Variants in VCL observed in about 807,000 individuals in gnomAD.
VCL encodes epididymis luminal protein 114.
A neutral mutation model predicts 125.7 loss-of-function variants in VCL; 47 were observed. The ratio of observed to expected loss-of-function variants is 0.37; its 90% CI spans 0.30 to 0.48. The LOEUF (loss-of-function observed/expected upper bound fraction) is 0.48, where lower values mean the gene tolerates loss of function less well. Ranked by LOEUF, VCL falls within the 20% of genes least tolerant of loss-of-function variation. VCL has a pLI of 0.99. For synonymous variants in VCL, 458 were observed against 514.6 expected (o/e 0.89, Z 1.49); for missense variants, 1,069 against 1,455.5 (o/e 0.73, Z 4.32).
In VCL at chr10:74,071,456, C is replaced by G. The variant is rs917546382; in HGVS notation, c.499+373C>G. ...GCTGGCCTGTAGTTCTTTATGACCTCTTAGCTTGCTAATTAGCCTGCCTAC... is the reference window on the plus strand; with the variant it reads ...GCTGGCCTGTAGTTCTTTATGACCTGTTAGCTTGCTAATTAGCCTGCCTAC... On this transcript the variant is annotated intron_variant, in intron 4 of 21. Coordinates refer to ENST00000211998, the MANE Select transcript of VCL (RefSeq NM_014000.3). The surrounding 1 kb of genome is among the most constrained non-coding windows in gnomAD (Gnocchi z 4.1). 1.3e-5 allele frequency among the ~76,000 whole-genome samples: 2 copies of G among 152,206 alleles called. No individual in the cohort carries two copies. The highest frequency in any genetic ancestry group is 2.9e-5 in the Non-Finnish European group (2 of 68,040).
intron 18 of VCL, 100 bp downstream of exon 18, chr10:74,109,256 C>T: frequency 4.8e-6 from 7 of 1,450,004 alleles, no homozygotes; most frequent in Non-Finnish European, 6.7e-6. Flanking sequence ...GAGTCACCCT[C>T]TCTCTCTCCT....
intron 1 of VCL, among the ~76,000 whole-genome samples, chr10:74,025,411 T>C (rs1840752037): frequency 6.6e-6 from 1 of 151,750 alleles, no homozygotes; most frequent in Middle Eastern, 3.2e-3. Flanking sequence ...GCCAGGAGTT[T>C]GAGACCAGCC....
intron 1 of VCL, among the ~76,000 whole-genome samples, chr10:74,011,974 G>A (rs1840444821): frequency 1.3e-5 from 2 of 152,166 alleles, no homozygotes; most frequent in Admixed American, 1.3e-4. Context: ...CTTTTAAGGG[G>A]AAAGTGGCTG....
intron 2 of VCL, among the ~76,000 whole-genome samples, chr10:74,064,475 A>G (rs1591682506): frequency 6.6e-6 from 1 of 152,118 alleles, no homozygotes; most frequent in Middle Eastern, 3.4e-3. Flanking sequence ...GCATGATCAT[A>G]GCTCACTACA....
chr10:74,106,950 A>G (rs1241690025), intron 16 of VCL, among the ~76,000 whole-genome samples: 1 of 152,192 alleles, frequency 6.6e-6, no homozygotes, highest in African/African-American at 2.4e-5. Flanking sequence ...ACCTGAGCCC[A>G]AAGTGTTCAT....
At chr10:74,019,593 C>A (rs1251988919) in intron 1 of VCL, among the ~76,000 whole-genome samples, 1 of 152,000 alleles carries the variant, frequency 6.6e-6, no homozygotes, top group Admixed American at 6.6e-5. Context: ...TGCCTTCAGG[C>A]AGTGGTAGGA....
chr10:74,035,462 C>T (rs1840956670), intron 1 of VCL, among the ~76,000 whole-genome samples: 1 of 152,076 alleles, frequency 6.6e-6, no homozygotes, highest in South Asian at 2.1e-4. Flanking sequence ...AACAGAGCTC[C>T]CTGCCAAGCC....
chr10:74,078,013 T>G (rs1839619043), intron 6 of VCL, among the ~76,000 whole-genome samples: 1 of 152,200 alleles, frequency 6.6e-6, no homozygotes, highest in African/African-American at 2.4e-5. Context: ...TTAAAAGAAT[T>G]TGAGTTAAAC....
chr10:74,093,665 G>T (rs1302008251), intron 10 of VCL, among the ~76,000 whole-genome samples: 1 of 151,856 alleles, frequency 6.6e-6, no homozygotes, highest in African/African-American at 2.4e-5. Flanking sequence ...CAGGTGTGGT[G>T]GTGCATACCT....
intron 12 of VCL, among the ~76,000 whole-genome samples, chr10:74,096,150 C>CTTCTT (rs1554818380): frequency 5.0e-5 from 1 of 20,070 alleles, no homozygotes; most frequent in African/African-American, 1.5e-4. Context: ...TTAAAATGGA[C>CTTCTT]TTTTTTTTTT....
chr10:74,069,532 G>A (rs949149564), intron 2 of VCL, among the ~76,000 whole-genome samples: 4 of 152,122 alleles, frequency 2.6e-5, no homozygotes, highest in African/African-American at 9.7e-5. Context: ...TTAAACTTGT[G>A]GAGTTTCTGT....
chr10:73,998,224 C>A lies in VCL; in HGVS notation c.17C>A (p.Thr6Lys). 1 of 1,612,894 alleles carries A rather than the reference C, an allele frequency of 6.2e-7. No individual in the cohort carries two copies. The highest frequency in any genetic ancestry group is 8.5e-7 in the Non-Finnish European group (1 of 1,179,540). MPVFHTRTIESILEPV... is the reference protein window; with the variant it reads MPVFHKRTIESILEPV... ...GCCGCCGCGATGCCAGTGTTTCATA[C>A]GCGCACGATCGAGAGCATCCTGGAG... Residue 6 changes from threonine to lysine, a missense_variant, in exon 1 of 22, where the codon ACG becomes AAG. By Grantham distance (78) the Thr-to-Lys change is moderately conservative (BLOSUM62 -1). Around this residue, in one of 6 missense-constraint regions of VCL, gnomAD observed 96 missense variants for 137.6 expected, o/e 0.70. Coordinates refer to ENST00000211998, the MANE Select transcript of VCL (RefSeq NM_014000.3).
At chr10:74,015,716 A>T in intron 1 of VCL, among the ~76,000 whole-genome samples, 1 of 145,728 alleles carries the variant, frequency 6.9e-6, no homozygotes. Flanking sequence ...AGGAAGTCTC[A>T]CTCTGTTGCC....
chr10:74,020,294 G>T (rs745788815), intron 1 of VCL, among the ~76,000 whole-genome samples: 11 of 152,076 alleles, frequency 7.2e-5, no homozygotes, highest in South Asian at 2.1e-4. Context: ...TCTCATCAAT[G>T]ATTTTATTGA....
chr10:74,056,986 G>C (rs558795809), intron 2 of VCL, among the ~76,000 whole-genome samples: 8 of 151,826 alleles, frequency 5.3e-5, no homozygotes, highest in Non-Finnish European at 1.2e-4. Context: ...TGTCTCCCAG[G>C]CTGGATAGAG....
intron 10 of VCL, among the ~76,000 whole-genome samples, chr10:74,091,947 CTG>C (rs1839895354): frequency 6.6e-6 from 1 of 151,830 alleles, no homozygotes; most frequent in Non-Finnish European, 1.5e-5. Flanking sequence ...TCTTGCTCTG[CTG>C]CCAGGCTGGA....
chr10:74,026,471 C>T (rs1220342859), intron 1 of VCL, among the ~76,000 whole-genome samples: 1 of 152,124 alleles, frequency 6.6e-6, no homozygotes, highest in Non-Finnish European at 1.5e-5. Context: ...GAACCCACCG[C>T]ATGGGGGAGT....
Position 74,090,042 on chromosome 10 carries a change from A to G in VCL, c.1196A>G (p.Asn399Ser). The G allele has an allele frequency of 1.9e-6, 3 of 1,614,006 alleles. No individual in the cohort carries two copies. The highest frequency in any genetic ancestry group is 2.5e-6 in the Non-Finnish European group (3 of 1,179,970). The part of the protein sequence containing the change: ...DAAQNWLADP[N>S]GGPEGEEQIR... Reference sequence around the variant, plus strand: ...GTGTAGAACTGGCTTGCAGATCCAAATGGTGGACCGGAAGGAGAAGAGCAG... The same window carrying G: ...GTGTAGAACTGGCTTGCAGATCCAAGTGGTGGACCGGAAGGAGAAGAGCAG... Residue 399 changes from asparagine to serine, a missense_variant, in exon 10 of 22, where the codon AAT becomes AGT. Around this residue, in one of 6 missense-constraint regions of VCL, gnomAD observed 760 missense variants for 928.9 expected, o/e 0.82. Transcript: ENST00000211998.
intron 2 of VCL, among the ~76,000 whole-genome samples, chr10:74,049,469 A>G (rs938559292): frequency 1.4e-4 from 21 of 152,216 alleles, no homozygotes; most frequent in African/African-American, 5.1e-4. Context: ...TGACTTTATG[A>G]TAGGAATTCA....
Sources: allele counts gnomAD v4.1 joint callset (sites outside exome capture counted in the v4.1 genomes callset), GRCh38; gene constraint gnomAD v4.1.1; regional missense constraint gnomAD v4.1.1; non-coding constraint Gnocchi (gnomAD v3.1); transcripts MANE v1.5; gene names NCBI Gene and HGNC (gene_info 2026-07-23, HGNC 2026-07-21).